Variants in APBB2 observed in about 807,000 individuals in gnomAD.
APBB2 encodes the protein amyloid beta precursor protein binding family B member 2, also known as Fe65-like 1.
A neutral mutation model predicts 82.5 loss-of-function variants in APBB2; 38 were observed. That is an observed-to-expected ratio of 0.46 (90% CI 0.36 to 0.60). APBB2 has a LOEUF of 0.60. Ranked by LOEUF, APBB2 falls within the 20% of genes least tolerant of loss-of-function variation. The pLI, the probability that APBB2 is intolerant of heterozygous loss-of-function variation, is 0.00. For missense variants in APBB2, 772 were observed against 972.3 expected (o/e 0.79, Z 2.74); for synonymous variants, 341 against 368.2 (o/e 0.93, Z 0.85).
chr4:40,991,685 C>A (rs1040244276), intron 6 of APBB2, among the ~76,000 whole-genome samples: 4 of 152,034 alleles, frequency 2.6e-5, no homozygotes, highest in African/African-American at 9.7e-5. Flanking sequence ...AGACTTTTCA[C>A]CCCCTCCTCC....
chr4:41,190,059 A>C (rs1347716860), intron 1 of APBB2, among the ~76,000 whole-genome samples: 3 of 152,094 alleles, frequency 2.0e-5, no homozygotes, highest in Non-Finnish European at 4.4e-5. Context: ...TTAATTATCC[A>C]AATAGGTCCA....
At chr4:41,131,944 G>T (rs1756117343) in intron 2 of APBB2, among the ~76,000 whole-genome samples, 1 of 152,024 alleles carries the variant, frequency 6.6e-6, no homozygotes, top group African/African-American at 2.4e-5. Context: ...GGAGGCTGAG[G>T]CAGGAGAATC....
chr4:40,948,760 TA>T (rs34662232), intron 6 of APBB2, among the ~76,000 whole-genome samples: 22,993 of 83,362 alleles, frequency 0.28, 2,278 homozygotes, highest in Middle Eastern at 0.33. Flanking sequence ...ACTCCCATCT[TA>T]AAAAAAAAAA....
intron 3 of APBB2, among the ~76,000 whole-genome samples, chr4:41,085,040 G>A (rs1739121188): frequency 1.3e-5 from 2 of 152,226 alleles, no homozygotes; most frequent in South Asian, 2.1e-4. Context: ...CACAAGGTCA[G>A]GAGATCGAGA....
chr4:41,019,943 A>C (rs1811024603), intron 5 of APBB2, among the ~76,000 whole-genome samples: 1 of 152,014 alleles, frequency 6.6e-6, no homozygotes, highest in South Asian at 2.1e-4. Context: ...GAAGAGACAG[A>C]CAAGGAGTCG....
chr4:41,180,096 G>A (rs1015580868), intron 1 of APBB2, among the ~76,000 whole-genome samples: 1 of 152,152 alleles, frequency 6.6e-6, no homozygotes, highest in East Asian at 1.9e-4. Flanking sequence ...ACAGCTCTCA[G>A]AATGGACACA....
intron 12 of APBB2, among the ~76,000 whole-genome samples, chr4:40,871,322 C>G (rs1461465369): frequency 2.0e-5 from 3 of 152,036 alleles, no homozygotes; most frequent in African/African-American, 7.2e-5. Flanking sequence ...TTTTTGTATT[C>G]TTAGTAGAGA....
chr4:40,886,880 C>G (rs1770461417), intron 12 of APBB2, among the ~76,000 whole-genome samples: 1 of 152,218 alleles, frequency 6.6e-6, no homozygotes. Context: ...GCCTCCATCT[C>G]CAGGGGCCGT....
intron 4 of APBB2, among the ~76,000 whole-genome samples, chr4:41,035,010 G>A (rs62413763): frequency 0.046 from 6,964 of 152,194 alleles, 341 homozygotes; most frequent in African/African-American, 0.12. Flanking sequence ...TGGGGGTGGG[G>A]TAGGGAAGAA....
At chr4:40,962,498 G>T (rs1172878992) in intron 6 of APBB2, among the ~76,000 whole-genome samples, 1 of 152,162 alleles carries the variant, frequency 6.6e-6, no homozygotes, top group Non-Finnish European at 1.5e-5. Context: ...AAATTGAACA[G>T]ATCTAAGTTC....
At chr4:40,884,260 TA>T (rs1459141050) in intron 12 of APBB2, among the ~76,000 whole-genome samples, 2 of 152,182 alleles carry the variant, frequency 1.3e-5, no homozygotes, top group Non-Finnish European at 2.9e-5. Flanking sequence ...TCCTAACCTC[TA>T]AAATAAAGAG....
chr4:41,196,148 G>A, intron 1 of APBB2, among the ~76,000 whole-genome samples: 1 of 145,950 alleles, frequency 6.9e-6, no homozygotes, highest in Non-Finnish European at 1.5e-5. Flanking sequence ...GACAGAGCAA[G>A]ACTCCGTCTC....
chr4:41,107,270 C>A (rs540622630), intron 2 of APBB2, among the ~76,000 whole-genome samples: 1 of 152,018 alleles, frequency 6.6e-6, no homozygotes, highest in African/African-American at 2.4e-5. Context: ...GAGATCACAC[C>A]GCTGCACTCC....
At position 40,829,127 on chromosome 4, in the gene APBB2, G is replaced by C. The variant is rs74583519; in HGVS notation, c.1644+1336C>G. On this transcript the variant is annotated intron_variant, in intron 13 of 17. Coordinates refer to ENST00000508593, the MANE Select transcript of APBB2 (RefSeq NM_004307.2). ...GGCTAAAAGAAGCTTGTGCCAGTGT[G>C]TTGGGGGTTCAGCTGCCACCATGTG... Among the ~76,000 whole-genome samples, 216 of 152,360 alleles carry C rather than the reference G, an allele frequency of 1.4e-3. 3 individuals carry two copies. The East Asian group carries it at 0.02, about 14-fold the overall frequency.
chr4:40,873,761 G>T (rs1766150291), intron 12 of APBB2, among the ~76,000 whole-genome samples: 1 of 152,144 alleles, frequency 6.6e-6, no homozygotes, highest in South Asian at 2.1e-4. Flanking sequence ...ATATTAATTG[G>T]CTGTAGGGAT....
chr4:41,022,865 C>A (rs1712243794), intron 5 of APBB2, among the ~76,000 whole-genome samples: 1 of 152,018 alleles, frequency 6.6e-6, no homozygotes, highest in South Asian at 2.1e-4. Flanking sequence ...ATAGTTAAGT[C>A]AACAGGAAAT....
At chr4:41,192,189 G>A (rs1373273231) in intron 1 of APBB2, among the ~76,000 whole-genome samples, 1 of 152,170 alleles carries the variant, frequency 6.6e-6, no homozygotes, top group African/African-American at 2.4e-5. Flanking sequence ...CACTGTTGGT[G>A]GGAATATAGA....
chr4:40,979,631 A>C (rs1169794950), intron 6 of APBB2, among the ~76,000 whole-genome samples: 1 of 152,216 alleles, frequency 6.6e-6, no homozygotes, highest in Non-Finnish European at 1.5e-5. Context: ...TGAAGAAGTA[A>C]ACTGCCATGT....
intron 11 of APBB2, 76 bp from the exon 12 acceptor site, chr4:40,890,567 A>T: frequency 1.3e-6 from 2 of 1,565,952 alleles, no homozygotes; most frequent in Non-Finnish European, 1.7e-6. Context: ...GCCATCTAGG[A>T]ATGCCGTGTC....
Sources: allele counts gnomAD v4.1 joint callset (sites outside exome capture counted in the v4.1 genomes callset), GRCh38; gene constraint gnomAD v4.1.1; transcripts MANE v1.5; gene names NCBI Gene and HGNC (gene_info 2026-07-23, HGNC 2026-07-21).